The following CAMSAP1 variants were observed in gnomAD, a reference collection of about 807,000 sequenced individuals.
CAMSAP1 encodes the protein calmodulin-regulated spectrin-associated protein 1.
CAMSAP1 carries 58 observed loss-of-function variants against 143.5 expected under a neutral mutation model. The observed-to-expected ratio is 0.40, with a 90% CI of 0.33 to 0.50. CAMSAP1 has a LOEUF of 0.50. Among genes scored for constraint, CAMSAP1 ranks in the 20% least tolerant of loss-of-function variants. The pLI is 0.45. For synonymous variants in CAMSAP1, 945 were observed against 859.3 expected, an observed-to-expected ratio of 1.10 and a Z score of -1.74; for missense variants, 1,969 against 2,115.7, an observed-to-expected ratio of 0.93 and a Z score of 1.36.
At chr9:135,857,772 G>A (rs955657934) in intron 5 of CAMSAP1, among the ~76,000 whole-genome samples, 2 of 152,182 alleles carry the variant, frequency 1.3e-5, no homozygotes, top group Non-Finnish European at 2.9e-5. Context: ...CTGCATTATG[G>A]AGTCAAGTGA....
intron 3 of CAMSAP1, among the ~76,000 whole-genome samples, chr9:135,867,908 C>G (rs1837435816): frequency 6.6e-6 from 1 of 152,182 alleles, no homozygotes; most frequent in Admixed American, 6.5e-5. Flanking sequence ...AAGACGCCTC[C>G]CATCCTCAGA....
intron 7 of CAMSAP1, among the ~76,000 whole-genome samples, chr9:135,831,886 G>A (rs547475792): frequency 2.0e-5 from 3 of 152,102 alleles, no homozygotes; most frequent in Non-Finnish European, 4.4e-5. Context: ...AATCTATGAA[G>A]ACTGAACAAA....
In CAMSAP1 at chr9:135,838,054, C is replaced by A. The variant is rs547101343; in HGVS notation, c.1046-10470G>T. Among the ~76,000 whole-genome samples, 3 of 151,824 alleles carry A rather than the reference C, an allele frequency of 2.0e-5. No homozygotes were observed. The East Asian group carries it at 5.8e-4, about 30-fold the overall frequency. ...TACCCCCTGTACAGACACACGTCATCACGCACTTTCCACCCATTCTACAGA... is the reference window on the plus strand; with the variant it reads ...TACCCCCTGTACAGACACACGTCATAACGCACTTTCCACCCATTCTACAGA... On this transcript the variant is annotated intron_variant, in intron 7 of 16. Transcript: ENST00000389532.
intron 7 of CAMSAP1, among the ~76,000 whole-genome samples, chr9:135,831,990 G>A (rs1835876005): frequency 6.6e-6 from 1 of 152,100 alleles, no homozygotes; most frequent in African/African-American, 2.4e-5. Flanking sequence ...AGGACCAGAT[G>A]GCTTCACTAC....
At chr9:135,881,987 A>G (rs1837972950) in intron 2 of CAMSAP1, among the ~76,000 whole-genome samples, 193 bp from the exon 3 acceptor site, 1 of 152,206 alleles carries the variant, frequency 6.6e-6, no homozygotes, top group African/African-American at 2.4e-5. Context: ...TTTCTGGTCA[A>G]GCCTCAAGAC....
rs147212718 is a variant in CAMSAP1, at chr9:135,811,591, G to T, written c.4527C>A (p.Ala1509=). The change falls in exon 17 of 17, where the codon GCC becomes GCA. Residue 1509 remains alanine (A), a synonymous_variant. Transcript: ENST00000389532. This position sits in a 1 kb window ranked among gnomAD's most constrained non-coding sequence, Gnocchi z 4.9. ...SILEELEKCD[A]NHYIILFRDA... ...CACGAAACAGTATGATGTAGTGATT[G>T]GCATCACACTTCTCCAGCTCCTGTG... is the stretch of plus-strand genomic sequence containing the variant. The T allele has an allele frequency of 1.9e-6, 3 of 1,592,486 alleles. No individual in the cohort carries two copies. The highest frequency in any genetic ancestry group is 2.6e-6 in the Non-Finnish European group (3 of 1,169,090).
intron 4 of CAMSAP1, 120 bp from the exon 5 acceptor site, chr9:135,862,728 A>C: frequency 9.6e-7 from 1 of 1,044,336 alleles, no homozygotes; most frequent in Non-Finnish European, 1.4e-6. Flanking sequence ...ATGGAGAACA[A>C]TTGCAATAAT....
intron 3 of CAMSAP1, among the ~76,000 whole-genome samples, chr9:135,881,036 T>C (rs1219554385): frequency 6.6e-6 from 1 of 151,962 alleles, no homozygotes; most frequent in Non-Finnish European, 1.5e-5. Flanking sequence ...GTGCATACTA[T>C]GAAAATAAAA....
At position 135,818,993 on chromosome 9, in the gene CAMSAP1, C is replaced by G. The variant is rs765241900; in HGVS notation, c.3959+17G>C. 1.9e-6 allele frequency: 3 copies of G among 1,602,954 alleles called. No individual in the cohort carries two copies. Among genetic ancestry groups the G allele is most frequent in the Admixed American group, 3.4e-5 (2 of 59,690 alleles). On this transcript the variant is annotated intron_variant, in intron 12 of 16. Coordinates refer to ENST00000389532, the MANE Select transcript of CAMSAP1 (RefSeq NM_015447.4). The surrounding 1 kb of genome is among the most constrained non-coding windows in gnomAD (Gnocchi z 7.7). ...GGCTCCTGCTCAGTCTGCTTTCCCC[C>G]CCGGCGGGACGCTTACCGGGCTTCG... is the stretch of plus-strand genomic sequence containing the variant.
intron 8 of CAMSAP1, among the ~76,000 whole-genome samples, chr9:135,825,330 G>A (rs566250076): frequency 6.6e-6 from 1 of 152,310 alleles, no homozygotes; most frequent in South Asian, 2.1e-4. Context: ...TGAAGATATT[G>A]ATGAGTAATT....
chr9:135,814,973 A>T (rs1835178068), intron 16 of CAMSAP1, 124 bp downstream of exon 16: 4 of 736,662 alleles, frequency 5.4e-6, no homozygotes, highest in Non-Finnish European at 9.0e-6. Flanking sequence ...CTTCCTTGAA[A>T]TCTGCATTCT....
intron 4 of CAMSAP1, among the ~76,000 whole-genome samples, chr9:135,863,160 C>T (rs966147570): frequency 1.3e-5 from 2 of 152,170 alleles, no homozygotes; most frequent in Non-Finnish European, 2.9e-5. Flanking sequence ...ACTCTATTAA[C>T]GGCAATGAAG....
At chr9:135,855,745 AT>A (rs796449546) in intron 5 of CAMSAP1, among the ~76,000 whole-genome samples, 1,546 of 134,934 alleles carry the variant, frequency 0.011, 40 homozygotes, top group African/African-American at 0.044. Context: ...CTTCATCTCA[AT>A]TTAAAAAAAA....
At chr9:135,873,503 T>C (rs914651379) in intron 3 of CAMSAP1, among the ~76,000 whole-genome samples, 4 of 151,428 alleles carry the variant, frequency 2.6e-5, no homozygotes, top group African/African-American at 9.8e-5. Context: ...AACTAAAAGA[T>C]TTTTTAGAAG....
chr9:135,861,320 T>C (rs543584448), intron 5 of CAMSAP1, among the ~76,000 whole-genome samples: 10 of 151,878 alleles, frequency 6.6e-5, no homozygotes, highest in African/African-American at 2.4e-4. Context: ...TTTTTTTTTT[T>C]TTTTCCCCCC....
Position 135,883,167 on chromosome 9 carries a change from C to T in CAMSAP1, c.161-89G>A, listed in dbSNP as rs528471390. 1,285 of 1,422,120 alleles carry T rather than the reference C, an allele frequency of 9.0e-4. 1 individual carries two copies. The highest frequency in any genetic ancestry group is 1.1e-3 in the Non-Finnish European group (1,105 of 1,051,316). The allele number at this position is 1,422,120 out of a possible 1,614,324, so 88.1% of individuals were successfully genotyped here. A position where few individuals can be genotyped will look rare whatever the true frequency, so the allele number is the denominator to read the frequency against. The stretch of plus-strand genomic sequence containing the variant: ...GCTGCAGTGAACTATGACTGTGCCA[C>T]TGTACTCCAGCCTGGGCAACACAGG... On this transcript the variant is annotated intron_variant, in intron 1 of 16. Coordinates refer to ENST00000389532, the MANE Select transcript of CAMSAP1 (RefSeq NM_015447.4).
intron 1 of CAMSAP1, among the ~76,000 whole-genome samples, chr9:135,902,778 G>A (rs1265814559): frequency 6.6e-6 from 1 of 152,054 alleles, no homozygotes; most frequent in African/African-American, 2.4e-5. Context: ...AAAAAAGGAG[G>A]GGATCAGACA....
At chr9:135,904,402 CAAAA>C (rs34983397) in intron 1 of CAMSAP1, among the ~76,000 whole-genome samples, 2 of 84,014 alleles carry the variant, frequency 2.4e-5, no homozygotes. Context: ...CTGTCCTCCA[CAAAA>C]AAAAAAAAAA....
rs1005778049 is a variant in CAMSAP1 at position 135,843,668 on chromosome 9, G to A, written c.1045+6469C>T. ...AGGTGGATCACGAGGTCAGGAGATC[G>A]AGACCATCCTGGCTAACACGCTGAA... On this transcript the variant is annotated intron_variant, in intron 7 of 16. Coordinates refer to ENST00000389532, the MANE Select transcript of CAMSAP1 (RefSeq NM_015447.4). Among the ~76,000 whole-genome samples the A allele has an allele frequency of 4.6e-5, 7 of 151,846 alleles. No homozygotes were observed. The East Asian group carries it at 7.7e-4, about 17-fold the overall frequency.
Sources: allele counts gnomAD v4.1 joint callset (sites outside exome capture counted in the v4.1 genomes callset), GRCh38; gene constraint gnomAD v4.1.1; non-coding constraint Gnocchi (gnomAD v3.1); transcripts MANE v1.5; gene names NCBI Gene and HGNC (gene_info 2026-07-23, HGNC 2026-07-21).